Variants in OTOG observed in about 807,000 individuals in gnomAD.
The protein encoded by OTOG is otogelin.
In OTOG, 296 loss-of-function variants were observed where a neutral mutation model predicts 313.8. That is an observed-to-expected ratio of 0.94 (90% confidence interval 0.86 to 1.04). The LOEUF is 1.04. OTOG is among the 50% of genes least tolerant of loss of function. OTOG has a pLI of 0.00. For synonymous variants in OTOG, 1,533 were observed against 1,554.9 expected, an observed-to-expected ratio of 0.99 and a Z score of 0.33; for missense variants, 3,948 against 3,840.1, an observed-to-expected ratio of 1.03 and a Z score of -0.74.
chr11:17,547,528 G>A lies in OTOG; in HGVS notation c.94+62G>A, dbSNP rs1028266270. The A allele has an allele frequency of 4.2e-5, 54 of 1,294,594 alleles. No homozygotes were observed. The highest frequency in any genetic ancestry group is 5.1e-5 in the Non-Finnish European group (52 of 1,022,074). 80.2% of individuals were successfully genotyped at this position (1,294,594 alleles called of 1,614,324 possible). A position where few individuals can be genotyped will look rare whatever the true frequency, so the allele number is the denominator to read the frequency against. On this transcript the variant is annotated intron_variant, in intron 1 of 55. Transcript: ENST00000399397. Reference sequence around the variant, plus strand: ...GAGGAATGAGAAACGTTAAAGGAATGAGGAATGGGCCCGCGCAGGTTGGAG... The same window carrying A: ...GAGGAATGAGAAACGTTAAAGGAATAAGGAATGGGCCCGCGCAGGTTGGAG...
In OTOG at chr11:17,557,300, A is replaced by G. The variant is rs1373185225; in HGVS notation, c.842A>G (p.Lys281Arg). Residue 281 changes from lysine (K) to arginine (R), a missense_variant, in exon 8 of 56, where the codon AAG (lysine) becomes AGG (arginine). Physicochemically the swap from Lys to Arg is conservative, Grantham distance 26. Coordinates refer to ENST00000399397, the MANE Select transcript of OTOG (RefSeq NM_001292063.2). ...TGTGGGAACAACAATGCTGACCCCA[A>G]GGATGATCTGGTGACCAGCTCTGGT... ...GLCGNNNADPKDDLVTSSGKL... is the reference protein window; with the variant it reads ...GLCGNNNADPRDDLVTSSGKL... 14 of 1,548,600 alleles carry G rather than the reference A, an allele frequency of 9.0e-6. No homozygotes were observed. Among genetic ancestry groups the G allele is most frequent in the South Asian group, 1.2e-5 (1 of 84,042 alleles).
At chr11:17,604,809 C>T (rs1853341879) in intron 32 of OTOG, among the ~76,000 whole-genome samples, 1 of 152,254 alleles carries the variant, frequency 6.6e-6, no homozygotes, top group African/African-American at 2.4e-5. Context: ...AATTTCAAAA[C>T]CTGCAGGTAA....
At position 17,609,164 on chromosome 11, in the gene OTOG, C is replaced by G; in HGVS notation, c.4309C>G (p.Gln1437Glu). The G allele has an allele frequency of 6.4e-7, 1 of 1,550,566 alleles. No homozygotes were observed. Among genetic ancestry groups the G allele is most frequent in the Non-Finnish European group, 8.7e-7 (1 of 1,146,926 alleles). ...EGCVPVCPTPQVLDEVTQRCV... is the reference protein window; with the variant it reads ...EGCVPVCPTPEVLDEVTQRCV... ...CTGTGTCCCTGTGTGCCCCACCCCC[C>G]AGGTCCTGGATGAAGTCACACAGAG... Residue 1437 changes from glutamine (Q) to glutamate (E), a missense_variant, in exon 35 of 56, where the codon CAG becomes GAG. Physicochemically the swap from Gln to Glu is conservative, Grantham distance 29 (BLOSUM62 2). Coordinates refer to ENST00000399397, the MANE Select transcript of OTOG (RefSeq NM_001292063.2).
At chr11:17,601,977 G>C (rs922599828) in intron 31 of OTOG, among the ~76,000 whole-genome samples, 1 of 152,168 alleles carries the variant, frequency 6.6e-6, no homozygotes, top group Non-Finnish European at 1.5e-5. Context: ...CCTGTGAAGT[G>C]ACTCAGGCAC....
At chr11:17,580,437 C>T (rs546322462) in intron 23 of OTOG, among the ~76,000 whole-genome samples, 3 of 152,332 alleles carry the variant, frequency 2.0e-5, no homozygotes, top group African/African-American at 7.2e-5. Context: ...CCTGAGGGGT[C>T]CCTGGAGTGA....
At chr11:17,566,526 T>C (rs1852296619) in intron 15 of OTOG, among the ~76,000 whole-genome samples, 1 of 152,240 alleles carries the variant, frequency 6.6e-6, no homozygotes, top group Non-Finnish European at 1.5e-5. Flanking sequence ...CTACATGTGC[T>C]AAACATGACT....
intron 54 of OTOG, among the ~76,000 whole-genome samples, chr11:17,643,867 C>G (rs1045370058): frequency 6.6e-6 from 1 of 152,250 alleles, no homozygotes; most frequent in Admixed American, 6.5e-5. Flanking sequence ...CGTAGTCAGA[C>G]GCCCTGGTCT....
intron 20 of OTOG, 150 bp from the exon 21 acceptor site, chr11:17,576,406 C>G: frequency 1.5e-6 from 1 of 669,912 alleles, no homozygotes; most frequent in East Asian, 2.8e-5. Flanking sequence ...TTTCTGCTCA[C>G]TGGAGATGTG....
chr11:17,575,065 C>G (rs1032849518), intron 20 of OTOG, among the ~76,000 whole-genome samples, 153 bp downstream of exon 20: 2 of 152,194 alleles, frequency 1.3e-5, no homozygotes, highest in Non-Finnish European at 2.9e-5. Context: ...TGGGTGGGCT[C>G]CCTCCTTGGG....
chr11:17,638,819 C>A (rs955385062), intron 48 of OTOG: 17 of 1,426,344 alleles, frequency 1.2e-5, no homozygotes, highest in Non-Finnish European at 1.6e-5. Flanking sequence ...TTACTGCGGC[C>A]GGGCACGGTG....
At chr11:17,566,464 A>G (rs905890697) in intron 15 of OTOG, among the ~76,000 whole-genome samples, 2 of 152,222 alleles carry the variant, frequency 1.3e-5, no homozygotes, top group Admixed American at 6.5e-5. Context: ...ATCCATGTTT[A>G]TCTTAGTATA....
intron 39 of OTOG, among the ~76,000 whole-genome samples, chr11:17,615,100 G>A (rs144825356): frequency 6.9e-4 from 105 of 152,212 alleles, no homozygotes; most frequent in Non-Finnish European, 4.3e-4. Context: ...TTTAATTTGC[G>A]TTTTTCTGCT....
At chr11:17,626,647 T>C (rs1467438002) in intron 39 of OTOG, among the ~76,000 whole-genome samples, 1 of 152,240 alleles carries the variant, frequency 6.6e-6, no homozygotes, top group Non-Finnish European at 1.5e-5. Context: ...TTTTTTCTAT[T>C]TCTGTGAAGA....
intron 34 of OTOG, among the ~76,000 whole-genome samples, chr11:17,608,659 A>G (rs1853449968): frequency 6.6e-6 from 1 of 152,196 alleles, no homozygotes. Flanking sequence ...CATTCGTTGT[A>G]CACAGCTGCA....
intron 15 of OTOG, among the ~76,000 whole-genome samples, chr11:17,563,623 C>T (rs991076560): frequency 6.6e-6 from 1 of 152,176 alleles, no homozygotes; most frequent in African/African-American, 2.4e-5. Flanking sequence ...AGCCCAGCTG[C>T]TCCTTCCCAC....
At position 17,596,049 on chromosome 11, in the gene OTOG, C is replaced by A; in HGVS notation, c.3420C>A (p.Thr1140=). The A allele has an allele frequency of 6.4e-7, 1 of 1,550,734 alleles. No individual in the cohort carries two copies. The highest frequency in any genetic ancestry group is 8.7e-7 in the Non-Finnish European group (1 of 1,146,948). ...SSWAAVECPD[T]LDPRDMCVLN... ...CCTTTGCCCCTCAGTGCCCAGACACCCTCGATCCTCGGGATATGTGTGTCC... is the reference window on the plus strand; with the variant it reads ...CCTTTGCCCCTCAGTGCCCAGACACACTCGATCCTCGGGATATGTGTGTCC... Residue 1140 remains threonine (T), a synonymous_variant, in exon 29 of 56, where the codon ACC becomes ACA. Transcript: ENST00000399397.
At chr11:17,622,916 C>G (rs772995141) in intron 39 of OTOG, among the ~76,000 whole-genome samples, 3 of 152,116 alleles carry the variant, frequency 2.0e-5, no homozygotes, top group Admixed American at 6.6e-5. Context: ...TTTGAGGAAC[C>G]TCCAAACTGT....
At position 17,553,468 on chromosome 11, in the gene OTOG, C is replaced by A; in HGVS notation, c.489C>A (p.Ser163Arg). Residue 163 changes from serine (S) to arginine (R), a missense_variant, in exon 6 of 56, where the codon AGC becomes AGA. By Grantham distance (110) the Ser-to-Arg change is moderately radical (BLOSUM62 -1). Transcript: ENST00000399397. The part of the protein sequence containing the change: ...GLYYYLSGKG[S>R]YTLVGRHEPE... ...ACTACTACCTCTCCGGAAAGGGCAG[C>A]TACACCCTGGTGGGTCGCCATGAGC... 1 of 1,464,520 alleles carries A rather than the reference C, an allele frequency of 6.8e-7. No homozygotes were observed. Among genetic ancestry groups the A allele is most frequent in the Non-Finnish European group, 9.0e-7 (1 of 1,106,014 alleles). The allele number at this position is 1,464,520 out of a possible 1,614,324, so 90.7% of individuals were successfully genotyped here.
chr11:17,625,807 G>A (rs565638185), intron 39 of OTOG, among the ~76,000 whole-genome samples: 8 of 152,246 alleles, frequency 5.3e-5, no homozygotes, highest in African/African-American at 1.7e-4. Flanking sequence ...TTAACTTGAT[G>A]TGATCCCATT....
Sources: gnomAD v4.1 joint callset for allele counts (sites outside exome capture counted in the v4.1 genomes callset) on GRCh38, gnomAD v4.1.1 for gene constraint, MANE v1.5 for transcripts, NCBI Gene and HGNC (gene_info 2026-07-23, HGNC 2026-07-21) for gene names.